GOLGA1: variants seen among roughly 807,000 people sequenced by gnomAD.
GOLGA1 encodes the protein golgin A1, also known as golgin subfamily A member 1.
GOLGA1 carries 63 observed loss-of-function variants against 119.7 expected under a neutral mutation model. The observed-to-expected ratio is 0.53, with a 90% CI of 0.43 to 0.65. The LOEUF (loss-of-function observed/expected upper bound fraction) is 0.65, where lower values mean the gene tolerates loss of function less well. GOLGA1 is among the 30% of genes least tolerant of loss of function. The pLI is 0.00. For synonymous variants in GOLGA1, 318 were observed against 333.4 expected, an observed-to-expected ratio of 0.95 and a Z score of 0.50; for missense variants, 798 against 912.8, an observed-to-expected ratio of 0.87 and a Z score of 1.62.
chr9:124,916,877 C>CAAAAAAAAAAAAAAAAAA (rs71494043), intron 10 of GOLGA1, among the ~76,000 whole-genome samples: 51 of 41,128 alleles, frequency 1.2e-3, no homozygotes, highest in Non-Finnish European at 1.5e-3. Context: ...CCCTGACACA[C>CAAAAAAAAAAAAAAAAAA]AAAAAAAAAA....
intron 15 of GOLGA1, among the ~76,000 whole-genome samples, chr9:124,894,847 TGCA>T (rs1687423354): frequency 6.6e-6 from 1 of 152,090 alleles, no homozygotes; most frequent in Non-Finnish European, 1.5e-5. Context: ...CATGCATATT[TGCA>T]GCAAATACAA....
In GOLGA1 at chr9:124,921,709, G is replaced by A. The variant is rs1202155275; in HGVS notation, c.731+14C>T. ...AACACCTCTTCCCAAGGGCCCCACA[G>A]ACCAAGCAAGAACCTCTGCTCTTCC... On this transcript the variant is annotated intron_variant, in intron 9 of 22. Transcript: ENST00000373555. 1 of 1,606,878 alleles carries A rather than the reference G, an allele frequency of 6.2e-7. No homozygotes were observed. The highest frequency in any genetic ancestry group is 1.1e-5 in the South Asian group (1 of 90,684).
At chr9:124,931,797 C>T (rs528141593) in intron 3 of GOLGA1, among the ~76,000 whole-genome samples, 4 of 152,258 alleles carry the variant, frequency 2.6e-5, no homozygotes, top group Admixed American at 1.3e-4. Context: ...TCTATGACTA[C>T]GAATCTTTCA....
chr9:124,914,532 C>T (rs929919389), intron 10 of GOLGA1, among the ~76,000 whole-genome samples: 1 of 152,132 alleles, frequency 6.6e-6, no homozygotes, highest in East Asian at 1.9e-4. Flanking sequence ...AAAAGAGTAA[C>T]TGTTGATGTA....
chr9:124,907,255 A>G (rs4838236), intron 12 of GOLGA1, among the ~76,000 whole-genome samples: 82,228 of 152,058 alleles, frequency 0.54, 22,927 homozygotes, highest in Non-Finnish European at 0.58. Context: ...GAAAGGACAG[A>G]CTGTTTAGTA....
intron 6 of GOLGA1, among the ~76,000 whole-genome samples, chr9:124,927,222 C>T (rs1830691059): frequency 6.6e-6 from 1 of 152,066 alleles, no homozygotes; most frequent in South Asian, 2.1e-4. Flanking sequence ...TTTGATTTTA[C>T]CAACATGCTT....
intron 3 of GOLGA1, 27 bp downstream of exon 3, chr9:124,938,550 C>T (rs1564347709): frequency 2.5e-6 from 4 of 1,576,626 alleles, no homozygotes; most frequent in Non-Finnish European, 3.5e-6. Flanking sequence ...GCAAAAGTAT[C>T]TTTATTTCTT....
intron 4 of GOLGA1, among the ~76,000 whole-genome samples, chr9:124,929,647 G>A (rs1830738320): frequency 1.3e-5 from 2 of 152,018 alleles, no homozygotes; most frequent in Admixed American, 1.3e-4. Context: ...TCCGGTCTTA[G>A]CAGTAGGATA....
In GOLGA1 at chr9:124,931,403, A is replaced by G. The variant is rs1437242894; in HGVS notation, c.139T>C (p.Ser47Pro). The G allele has an allele frequency of 3.2e-6, 5 of 1,542,274 alleles. No homozygotes were observed. In the South Asian group the frequency reaches 5.6e-5, roughly 17 times the overall value. The change falls in exon 4 of 23, where the codon TCC (serine) becomes CCC (proline). Residue 47 changes from serine (S) to proline (P), a missense_variant. Transcript: ENST00000373555. ...MGADSGDDFA[S>P]DGSSSREDLS... is the part of the protein sequence containing the mutation. ...TCTTCTCTGGAGCTGCTTCCATCGGAAGCCTGTTGAGGTAGACACAAGGAA... is the reference window on the plus strand; with the variant it reads ...TCTTCTCTGGAGCTGCTTCCATCGGGAGCCTGTTGAGGTAGACACAAGGAA...
At chr9:124,935,763 CAAAAAA>C (rs33934422) in intron 3 of GOLGA1, among the ~76,000 whole-genome samples, 1 of 103,586 alleles carries the variant, frequency 9.7e-6, no homozygotes, top group Admixed American at 9.3e-5. Context: ...ACTCTGTCTC[CAAAAAA>C]AAAAAAAAAA....
At chr9:124,894,961 A>G (rs112937379) in intron 15 of GOLGA1, among the ~76,000 whole-genome samples, 4,465 of 151,840 alleles carry the variant, frequency 0.029, 224 homozygotes, top group African/African-American at 0.099. Flanking sequence ...CATCCACAAC[A>G]GAGACCCATC....
Position 124,929,126 on chromosome 9 carries a change from TGAA to T in GOLGA1, c.301+87_301+89del, listed in dbSNP as rs1187402373. ...ACTTATAAAATAAAGATTTGTGCTT[TGAA>T]GAAGGACAAACTTAACCATACACTA... On this transcript the variant is annotated intron_variant, in intron 5 of 22. Coordinates refer to ENST00000373555, the MANE Select transcript of GOLGA1 (RefSeq NM_002077.4). 2.5e-5 allele frequency: 19 copies of T among 757,900 alleles called. No homozygotes were observed. In the East Asian group the frequency reaches 3.2e-4, roughly 13 times the overall value. 46.9% of individuals were successfully genotyped at this position (757,900 alleles called of 1,614,324 possible). A position where few individuals can be genotyped will look rare whatever the true frequency, so the allele number is the denominator to read the frequency against.
Position 124,899,832 on chromosome 9 carries a change from T to G in GOLGA1, c.1162-354A>C, listed in dbSNP as rs529431216. ...CTGGGGAGGCAGTATAATACAGCAA[T>G]GAAGAACAGGGCTTTGACAGGAGAA... On this transcript the variant is annotated intron_variant, in intron 13 of 22. Transcript: ENST00000373555. Among the ~76,000 whole-genome samples, 10 of 152,280 alleles carry G rather than the reference T, an allele frequency of 6.6e-5. No homozygotes were observed. The South Asian group carries it at 2.1e-3, about 32-fold the overall frequency.
intron 10 of GOLGA1, among the ~76,000 whole-genome samples, chr9:124,915,733 C>T (rs576150297): frequency 1.3e-5 from 2 of 152,192 alleles, no homozygotes; most frequent in East Asian, 1.9e-4. Flanking sequence ...TGCAGTGAGC[C>T]AACATCGCGC....
Position 124,881,134 on chromosome 9 carries a change from A to C in GOLGA1, c.2223+37T>G. On this transcript the variant is annotated intron_variant, in intron 22 of 22. Coordinates refer to ENST00000373555, the MANE Select transcript of GOLGA1 (RefSeq NM_002077.4). This position sits in a 1 kb window ranked among gnomAD's most constrained non-coding sequence, Gnocchi z 4.9. ...CTACTGCTGGGATAACTGACAACGTATCTTGGAAGCTGGAACAGTAGACCA... is the reference window on the plus strand; with the variant it reads ...CTACTGCTGGGATAACTGACAACGTCTCTTGGAAGCTGGAACAGTAGACCA... 6.9e-5 allele frequency: 75 copies of C among 1,090,782 alleles called. No homozygotes were observed. The highest frequency in any genetic ancestry group is 1.0e-4 in the Non-Finnish European group (70 of 700,514). The allele number at this position is 1,090,782 out of a possible 1,614,324, so 67.6% of individuals were successfully genotyped here.
intron 16 of GOLGA1, 42 bp from the exon 17 acceptor site, chr9:124,889,578 G>T: frequency 8.0e-7 from 1 of 1,252,126 alleles, no homozygotes; most frequent in Non-Finnish European, 1.2e-6. Flanking sequence ...TGTGAGCAGT[G>T]ACTCCATCTT....
intron 19 of GOLGA1, among the ~76,000 whole-genome samples, chr9:124,887,757 G>A (rs1829756589): frequency 6.6e-6 from 1 of 152,132 alleles, no homozygotes; most frequent in South Asian, 2.1e-4. Flanking sequence ...AGGTGGAAAG[G>A]CTGGAGGGTG....
intron 10 of GOLGA1, among the ~76,000 whole-genome samples, chr9:124,919,842 G>A (rs751182921): frequency 1.2e-4 from 19 of 152,094 alleles, no homozygotes; most frequent in Admixed American, 3.3e-4. Flanking sequence ...GCTAAATGTC[G>A]CGCAATGCAA....
At position 124,892,913 on chromosome 9, in the gene GOLGA1, C is replaced by A. The variant is rs948403793; in HGVS notation, c.1408-2435G>T. Among the ~76,000 whole-genome samples the A allele has an allele frequency of 2.9e-5, 4 of 135,832 alleles. No individual in the cohort carries two copies. The South Asian group carries it at 7.0e-4, about 24-fold the overall frequency. The allele number at this position is 135,832 out of a possible 152,430, so 89.1% of individuals were successfully genotyped here. A position where few individuals can be genotyped will look rare whatever the true frequency, so the allele number is the denominator to read the frequency against. On this transcript the variant is annotated intron_variant, in intron 15 of 22. Coordinates refer to ENST00000373555, the MANE Select transcript of GOLGA1 (RefSeq NM_002077.4). ...CGCCATTGCACTCCAGCCTGGGCAA[C>A]AGGAGAGAAATTCCATCTCAAAAAA...
Sources: gnomAD v4.1 joint callset for allele counts (sites outside exome capture counted in the v4.1 genomes callset) on GRCh38, gnomAD v4.1.1 for gene constraint, Gnocchi (gnomAD v3.1) non-coding constraint, MANE v1.5 for transcripts, NCBI Gene and HGNC (gene_info 2026-07-23, HGNC 2026-07-21) for gene names.